PLEKHM3: variants seen among roughly 807,000 people sequenced by gnomAD.
PLEKHM3 encodes pleckstrin homology domain containing M3.
A neutral mutation model predicts 81.8 loss-of-function variants in PLEKHM3; 45 were observed. The observed-to-expected ratio is 0.55, with a 90% CI of 0.43 to 0.71. The LOEUF (loss-of-function observed/expected upper bound fraction) is 0.71, where lower values mean the gene tolerates loss of function less well. PLEKHM3 is among the 30% of genes least tolerant of loss of function. The probability of loss-of-function intolerance (pLI) is 0.00; values close to 1 mark genes in which losing one functional copy is unlikely to be tolerated. For synonymous variants in PLEKHM3, 352 were observed against 356.4 expected (o/e 0.99, Z 0.14); for missense variants, 788 against 924.3 (o/e 0.85, Z 1.91).
intron 5 of PLEKHM3, among the ~76,000 whole-genome samples, chr2:207,912,592 C>CT (rs996982757): frequency 6.6e-6 from 1 of 152,190 alleles, no homozygotes; most frequent in Admixed American, 6.5e-5. Context: ...TGCCAATCAC[C>CT]TTTTTTTCTC....
chr2:207,911,459 G>A (rs753396411), intron 5 of PLEKHM3, among the ~76,000 whole-genome samples: 2 of 151,958 alleles, frequency 1.3e-5, no homozygotes, highest in Non-Finnish European at 2.9e-5. Flanking sequence ...ATAAGAAATC[G>A]ACATTATGCA....
intron 2 of PLEKHM3, among the ~76,000 whole-genome samples, chr2:207,992,801 T>A (rs1691941636): frequency 6.6e-6 from 1 of 152,090 alleles, no homozygotes; most frequent in African/African-American, 2.4e-5. Context: ...GAATTGGCCC[T>A]TGAAAAATAA....
At chr2:207,880,783 A>AAAAAAAAAAAAAAAAAAAAAAAAAAAAAC (rs1559219094) in intron 6 of PLEKHM3, among the ~76,000 whole-genome samples, 1 of 138,986 alleles carries the variant, frequency 7.2e-6, no homozygotes, top group African/African-American at 2.6e-5. Context: ...AAAAAAAAAA[A>AAAAAAAAAAAAAAAAAAAAAAAAAAAAAC]AAAAACCAAA....
At chr2:208,024,215 T>C (rs922116507) in intron 1 of PLEKHM3, among the ~76,000 whole-genome samples, 4 of 149,814 alleles carry the variant, frequency 2.7e-5, no homozygotes, top group African/African-American at 1.0e-4. Flanking sequence ...AGGTCAATAC[T>C]ATTATTATTC....
At chr2:207,866,428 A>T (rs1166596256) in intron 6 of PLEKHM3, among the ~76,000 whole-genome samples, 1 of 152,194 alleles carries the variant, frequency 6.6e-6, no homozygotes, top group Non-Finnish European at 1.5e-5. Context: ...AAGTGCTGAG[A>T]TGATAGGTGT....
At chr2:207,951,403 T>C (rs917143311) in intron 3 of PLEKHM3, among the ~76,000 whole-genome samples, 4 of 152,228 alleles carry the variant, frequency 2.6e-5, no homozygotes. Flanking sequence ...AGGGCATTTG[T>C]AGTAAAGAAC....
intron 3 of PLEKHM3, among the ~76,000 whole-genome samples, chr2:207,962,482 G>T (rs1336774026): frequency 6.6e-6 from 1 of 152,196 alleles, no homozygotes; most frequent in African/African-American, 2.4e-5. Flanking sequence ...TAATAAAACT[G>T]CAATTGTATG....
chr2:207,916,952 G>T lies in PLEKHM3; in HGVS notation c.1887-8375C>A, dbSNP rs560648616. On this transcript the variant is annotated intron_variant, in intron 5 of 7. Coordinates refer to ENST00000427836, the MANE Select transcript of PLEKHM3 (RefSeq NM_001080475.3). ...CTGTTTAGTCATGAATGACACTGCAGACAGTCTGTAGCACCCTTTTACAGT... is the reference window on the plus strand; with the variant it reads ...CTGTTTAGTCATGAATGACACTGCATACAGTCTGTAGCACCCTTTTACAGT... 1.6e-3 allele frequency among the ~76,000 whole-genome samples: 247 copies of T among 152,288 alleles called. 1 individual carries two copies. Among genetic ancestry groups the T allele is most frequent in the African/African-American group, 5.7e-3 (238 of 41,558 alleles).
intron 6 of PLEKHM3, among the ~76,000 whole-genome samples, chr2:207,867,299 C>T (rs1231910531): frequency 6.6e-6 from 1 of 152,196 alleles, no homozygotes; most frequent in Non-Finnish European, 1.5e-5. Context: ...AATTGCTCTT[C>T]CCATTTGTCA....
intron 1 of PLEKHM3, among the ~76,000 whole-genome samples, chr2:208,017,669 A>G (rs1345316004): frequency 2.0e-5 from 3 of 152,032 alleles, no homozygotes; most frequent in Admixed American, 2.0e-4. Context: ...CTTGTTCTTT[A>G]TGCTTTCTGA....
intron 7 of PLEKHM3, among the ~76,000 whole-genome samples, chr2:207,830,201 A>T (rs2105878033): frequency 6.6e-6 from 1 of 152,246 alleles, no homozygotes; most frequent in South Asian, 2.1e-4. Context: ...GGAGCTTCAC[A>T]TCAATTCCTG....
chr2:207,919,305 G>A (rs562295598), intron 5 of PLEKHM3, among the ~76,000 whole-genome samples: 21 of 152,266 alleles, frequency 1.4e-4, no homozygotes, highest in African/African-American at 4.8e-4. Flanking sequence ...AGTAGTGGGC[G>A]ATGAGGCAGA....
intron 1 of PLEKHM3, among the ~76,000 whole-genome samples, chr2:208,016,694 C>CACACACACACACACACACACAA (rs1322014249): frequency 2.7e-5 from 4 of 149,730 alleles, no homozygotes; most frequent in Non-Finnish European, 5.9e-5. Flanking sequence ...CACACACACA[C>CACACACACACACACACACACAA]ACCCTGGTTT....
At chr2:207,964,008 T>A (rs2106003601) in intron 3 of PLEKHM3, among the ~76,000 whole-genome samples, 1 of 152,224 alleles carries the variant, frequency 6.6e-6, no homozygotes, top group Admixed American at 6.5e-5. Context: ...GGTCCGGAGT[T>A]TGAGACCAGC....
intron 2 of PLEKHM3, among the ~76,000 whole-genome samples, chr2:208,000,594 G>A (rs937125110): frequency 6.6e-6 from 1 of 152,170 alleles, no homozygotes; most frequent in African/African-American, 2.4e-5. Flanking sequence ...GTTCTTTAGG[G>A]CAGGGATTGT....
At chr2:207,967,375 G>C (rs72966939) in intron 3 of PLEKHM3, among the ~76,000 whole-genome samples, 1 of 152,144 alleles carries the variant, frequency 6.6e-6, no homozygotes, top group Non-Finnish European at 1.5e-5. Context: ...ATGGGCTGCT[G>C]TTAGCTCAGG....
chr2:208,018,432 A>G (rs899034962), intron 1 of PLEKHM3, among the ~76,000 whole-genome samples: 1 of 151,868 alleles, frequency 6.6e-6, no homozygotes, highest in Non-Finnish European at 1.5e-5. Context: ...CTCAAGCTCT[A>G]TATCTGCATA....
chr2:207,979,815 A>T (rs1263916287), intron 2 of PLEKHM3, among the ~76,000 whole-genome samples: 1 of 152,194 alleles, frequency 6.6e-6, no homozygotes, highest in African/African-American at 2.4e-5. Flanking sequence ...AGAGAAAAGG[A>T]GAGAAATGAG....
In PLEKHM3 at chr2:208,018,065, G is replaced by T. The variant is rs950047111; in HGVS notation, c.-319+7324C>A. ...TCCTGTGGCTTTAGCTGCAATCCAC[G>T]TGGCAGACAAGAAACATATTACTCT... On this transcript the variant is annotated intron_variant, in intron 1 of 7. Transcript: ENST00000427836. Among the ~76,000 whole-genome samples the T allele has an allele frequency of 5.3e-5, 8 of 151,906 alleles. No homozygotes were observed. The South Asian group carries it at 1.5e-3, about 28-fold the overall frequency.
Sources: allele counts gnomAD v4.1 joint callset (sites outside exome capture counted in the v4.1 genomes callset), GRCh38; gene constraint gnomAD v4.1.1; transcripts MANE v1.5; gene names NCBI Gene and HGNC (gene_info 2026-07-23, HGNC 2026-07-21).